The following GNA12 variants were observed in gnomAD, a reference collection of about 807,000 sequenced individuals.
The protein encoded by GNA12 is G protein subunit alpha 12, also known as guanine nucleotide-binding protein subunit alpha-12.
Under a neutral mutation model 26.0 loss-of-function variants are expected in GNA12, and 9 were observed. That is an observed-to-expected ratio of 0.35 (90% confidence interval 0.21 to 0.60). GNA12 has a LOEUF of 0.60. GNA12 is among the 20% of genes least tolerant of loss of function. The pLI is 0.78. For synonymous variants in GNA12, 264 were observed against 219.6 expected (o/e 1.20, Z -1.79); for missense variants, 405 against 525.8 (o/e 0.77, Z 2.25).
intron 2 of GNA12, among the ~76,000 whole-genome samples, chr7:2,754,805 G>A (rs974692047): frequency 2.6e-5 from 4 of 152,112 alleles, no homozygotes; most frequent in South Asian, 2.1e-4. Context: ...AAAAATGACC[G>A]TTTCTCAAAA....
chr7:2,753,559 C>G (rs745475036), intron 2 of GNA12, among the ~76,000 whole-genome samples: 1 of 152,120 alleles, frequency 6.6e-6, no homozygotes, highest in South Asian at 2.1e-4. Flanking sequence ...ATGGTCTGAA[C>G]GTGCCGCAGT....
At chr7:2,775,001 C>T (rs7807978) in intron 2 of GNA12, among the ~76,000 whole-genome samples, 63,579 of 152,074 alleles carry the variant, frequency 0.42, 13,522 homozygotes, top group Middle Eastern at 0.47. Context: ...TTGGTGGCAC[C>T]AGACGTGGCT....
At chr7:2,797,467 A>G (rs1792705744) in intron 1 of GNA12, among the ~76,000 whole-genome samples, 1 of 151,684 alleles carries the variant, frequency 6.6e-6, no homozygotes, top group Admixed American at 6.6e-5. Context: ...TCCTTTTTAA[A>G]TAACAGTTTT....
chr7:2,754,898 T>C (rs1436754726), intron 2 of GNA12, among the ~76,000 whole-genome samples: 1 of 152,248 alleles, frequency 6.6e-6, no homozygotes, highest in African/African-American at 2.4e-5. Context: ...TACTGTTATC[T>C]TCTCTCAAGT....
intron 2 of GNA12, among the ~76,000 whole-genome samples, chr7:2,763,972 G>A (rs1791695154): frequency 6.6e-6 from 1 of 152,202 alleles, no homozygotes; most frequent in African/African-American, 2.4e-5. Context: ...CACTACAGGG[G>A]CATGAGAACA....
intron 1 of GNA12, among the ~76,000 whole-genome samples, chr7:2,827,277 T>G (rs1793507459): frequency 6.6e-6 from 1 of 152,254 alleles, no homozygotes; most frequent in East Asian, 1.9e-4. Context: ...GATCTCCTTT[T>G]GGAGTGATTG....
Position 2,794,929 on chromosome 7 carries a change from A to G in GNA12, c.524T>C (p.Leu175Pro), listed in dbSNP as rs764331463. ...CAGCAAGAAGGCCTACTCACTCACC[A>G]GCTGAAACTCGCTTCTCCGGCTGAA... The part of the protein sequence containing the change: ...EAFSRRSEFQ[L>P]GESVKYFLDN... Residue 175 changes from leucine (L) to proline (P), a missense_variant and splice_region_variant, in exon 2 of 4, where the codon CTG (leucine) becomes CCG (proline). Leu to Pro is a moderately conservative substitution (Grantham distance 98). Coordinates refer to ENST00000275364, the MANE Select transcript of GNA12 (RefSeq NM_007353.3). The G allele has an allele frequency of 6.2e-7, 1 of 1,611,098 alleles. No individual in the cohort carries two copies.
chr7:2,770,302 G>A (rs208343), intron 2 of GNA12, among the ~76,000 whole-genome samples: 140,801 of 152,264 alleles, frequency 0.92, 65,224 homozygotes, highest in East Asian at 1. Flanking sequence ...AACATGTCCC[G>A]TTTGGAAATT....
intron 2 of GNA12, among the ~76,000 whole-genome samples, chr7:2,749,303 C>A (rs1405034594): frequency 6.6e-6 from 1 of 152,182 alleles, no homozygotes; most frequent in African/African-American, 2.4e-5. Context: ...AAATGTGCCA[C>A]ATATACACCA....
chr7:2,823,746 C>T (rs2114965512), intron 1 of GNA12, among the ~76,000 whole-genome samples: 1 of 152,004 alleles, frequency 6.6e-6, no homozygotes, highest in East Asian at 1.9e-4. Flanking sequence ...CATAATAAAG[C>T]ACAAACTACC....
chr7:2,810,041 G>C (rs901139578), intron 1 of GNA12, among the ~76,000 whole-genome samples: 1 of 152,222 alleles, frequency 6.6e-6, no homozygotes, highest in Non-Finnish European at 1.5e-5. Flanking sequence ...ACATTAGAAA[G>C]GGGTCAACCC....
chr7:2,837,094 C>G (rs920371846), intron 1 of GNA12, among the ~76,000 whole-genome samples: 48 of 152,270 alleles, frequency 3.2e-4, no homozygotes, highest in African/African-American at 9.6e-4. Flanking sequence ...AAGCAGGGAT[C>G]TCACCTCCCA....
At chr7:2,801,847 C>T (rs953794656) in intron 1 of GNA12, among the ~76,000 whole-genome samples, 4 of 152,134 alleles carry the variant, frequency 2.6e-5, no homozygotes, top group Admixed American at 2.6e-4. Context: ...TTCTGAGTCC[C>T]CTTTTCTTCC....
At chr7:2,834,416 C>T (rs1778768450) in intron 1 of GNA12, among the ~76,000 whole-genome samples, 1 of 152,194 alleles carries the variant, frequency 6.6e-6, no homozygotes, top group Non-Finnish European at 1.5e-5. Flanking sequence ...TCCATTCACG[C>T]TGTATGTTAA....
chr7:2,823,596 A>G (rs542333953), intron 1 of GNA12, among the ~76,000 whole-genome samples: 69 of 152,370 alleles, frequency 4.5e-4, no homozygotes, highest in African/African-American at 1.5e-3. Context: ...CAATTCGTTC[A>G]ATAAGCACTT....
At chr7:2,732,321 G>C (rs1162660921) in intron 3 of GNA12, among the ~76,000 whole-genome samples, 2 of 152,126 alleles carry the variant, frequency 1.3e-5, no homozygotes. Context: ...GGAAGTGGGA[G>C]GAATACCTTG....
chr7:2,831,425 A>G (rs1042969122), intron 1 of GNA12, among the ~76,000 whole-genome samples: 10 of 129,800 alleles, frequency 7.7e-5, no homozygotes, highest in African/African-American at 2.8e-4. Flanking sequence ...TTTTTTTGAG[A>G]TGGAGTCTCA....
intron 2 of GNA12, among the ~76,000 whole-genome samples, chr7:2,772,809 T>C (rs1791982321): frequency 1.3e-5 from 2 of 152,208 alleles, no homozygotes; most frequent in East Asian, 1.9e-4. Flanking sequence ...GAGAAATCAG[T>C]GCATATATCC....
At chr7:2,835,793 T>C in intron 1 of GNA12, 1 of 680,592 alleles carries the variant, frequency 1.5e-6, no homozygotes, top group Non-Finnish European at 2.8e-6. Flanking sequence ...GACGGTACCA[T>C]GCTTGCAGAT....
Sources: gnomAD v4.1 joint callset for allele counts (sites outside exome capture counted in the v4.1 genomes callset) on GRCh38, gnomAD v4.1.1 for gene constraint, MANE v1.5 for transcripts, NCBI Gene and HGNC (gene_info 2026-07-23, HGNC 2026-07-21) for gene names.